The following ARHGEF9 variants were observed in gnomAD, a reference collection of about 807,000 sequenced individuals.
The protein encoded by ARHGEF9 is Cdc42 guanine nucleotide exchange factor 9, also known as rho guanine nucleotide exchange factor 9.
A neutral mutation model predicts 41.3 loss-of-function variants in ARHGEF9; 2 were observed. That is an observed-to-expected ratio of 0.05 (90% confidence interval 0.02 to 0.15). The LOEUF (loss-of-function observed/expected upper bound fraction) is 0.15, where lower values mean the gene tolerates loss of function less well. Among genes scored for constraint, ARHGEF9 ranks in the 10% least tolerant of loss-of-function variants. ARHGEF9 has a pLI of 1.00. For synonymous variants in ARHGEF9, 160 were observed against 154.4 expected (o/e 1.04, Z -0.27); for missense variants, 225 against 424.7 (o/e 0.53, Z 4.13).
intron 1 of ARHGEF9, among the ~76,000 whole-genome samples, chrX:63,773,573 G>T (rs2056238867): frequency 8.9e-6 from 1 of 112,232 alleles, no homozygotes; most frequent in Non-Finnish European, 1.9e-5. Flanking sequence ...ACAAGCAAGG[G>T]CTATGTGATA....
intron 2 of ARHGEF9, among the ~76,000 whole-genome samples, chrX:63,714,535 C>T (rs2053167523): frequency 8.9e-6 from 1 of 111,787 alleles, no homozygotes; most frequent in Non-Finnish European, 1.9e-5. Flanking sequence ...AGGGTGAAGA[C>T]TCGGGATCCT....
At chrX:63,649,040 A>C (rs1556321712) in intron 8 of ARHGEF9, among the ~76,000 whole-genome samples, 1 of 111,315 alleles carries the variant, frequency 9.0e-6, no homozygotes. Context: ...TAGACAGATC[A>C]ACGAGACAAA....
intron 8 of ARHGEF9, among the ~76,000 whole-genome samples, chrX:63,652,071 T>A (rs1434814029): frequency 9.0e-6 from 1 of 111,665 alleles, no homozygotes; most frequent in Non-Finnish European, 1.9e-5. Context: ...AATATGCAAG[T>A]ATGTATTAAA....
rs1431530716 is a variant in ARHGEF9 at position 63,724,650 on chromosome X, T to C, written c.92A>G (p.Asn31Ser). 3 of 1,209,403 alleles carry C rather than the reference T, an allele frequency of 2.5e-6. No individual in the cohort carries two copies. The highest frequency in any genetic ancestry group is 3.4e-6 in the Non-Finnish European group (3 of 895,095). ...GCCAGCTTTAAATGCCAACTCCCGG[T>C]TGGCCATGGTGACGTGATCCCATAC... ...EAVWDHVTMA[N>S]RELAFKAGDV... The change falls in exon 2 of 10, where the codon AAC (asparagine) becomes AGC (serine). Residue 31 changes from asparagine to serine, a missense_variant. Physicochemically the swap from Asn to Ser is conservative, Grantham distance 46. Around this residue, in one of 3 missense-constraint regions of ARHGEF9, gnomAD observed 114 missense variants for 197.9 expected, o/e 0.58. Coordinates refer to ENST00000671741, the MANE Select transcript of ARHGEF9 (RefSeq NM_001353921.2).
intron 4 of ARHGEF9, 149 bp from the exon 5 acceptor site, chrX:63,678,721 T>C: frequency 4.2e-6 from 2 of 471,602 alleles, no homozygotes; most frequent in Non-Finnish European, 7.2e-6. Flanking sequence ...AATTTAATAA[T>C]AAATATCAAA....
chrX:63,778,831 C>T (rs781815030), intron 1 of ARHGEF9, among the ~76,000 whole-genome samples: 5 of 111,997 alleles, frequency 4.5e-5, no homozygotes, highest in Admixed American at 9.4e-5. Context: ...TGCTCCAGTT[C>T]GCAATAAGTT....
At chrX:63,669,570 T>G (rs1176858429) in intron 6 of ARHGEF9, among the ~76,000 whole-genome samples, 1 of 111,299 alleles carries the variant, frequency 9.0e-6, no homozygotes, top group Non-Finnish European at 1.9e-5. Context: ...ACTCACTTAC[T>G]CTACTCTGGG....
intron 1 of ARHGEF9, among the ~76,000 whole-genome samples, chrX:63,781,383 G>A (rs1446716337): frequency 1.8e-5 from 2 of 110,943 alleles, no homozygotes; most frequent in Non-Finnish European, 3.8e-5. Context: ...TAATTTATTG[G>A]TAATCCACAT....
intron 1 of ARHGEF9, chrX:63,754,923 G>A: frequency 2.1e-6 from 2 of 940,089 alleles, no homozygotes; most frequent in South Asian, 5.8e-5. Flanking sequence ...GGGGGAACCT[G>A]TGAGTGGTTC....
intron 2 of ARHGEF9, among the ~76,000 whole-genome samples, chrX:63,713,327 A>C (rs1320181417): frequency 9.1e-6 from 1 of 110,464 alleles, no homozygotes; most frequent in Non-Finnish European, 1.9e-5. Context: ...CTTGCTCCCC[A>C]ATCAATACAT....
chrX:63,715,138 A>C (rs1307555223), intron 2 of ARHGEF9, among the ~76,000 whole-genome samples: 5 of 111,967 alleles, frequency 4.5e-5, no homozygotes, highest in Non-Finnish European at 9.4e-5. Flanking sequence ...TCTACCCCTA[A>C]GTCTTCTCCT....
chrX:63,637,846 C>CTG lies in ARHGEF9; in HGVS notation c.*180_*181dup, dbSNP rs10542660. On this transcript the variant is annotated 3_prime_UTR_variant, in exon 10 of 10. Coordinates refer to ENST00000671741, the MANE Select transcript of ARHGEF9 (RefSeq NM_001353921.2). Reference sequence around the variant, plus strand: ...GAAAACACTTTTGTTCCTTATCTCTCTGTGTGTGTGTGTGTGTGTGTGTGT... The same window carrying CTG: ...GAAAACACTTTTGTTCCTTATCTCTCTGTGTGTGTGTGTGTGTGTGTGTGTGT... 0.038 allele frequency: 11,475 copies of CTG among 304,254 alleles called. 125 individuals are homozygous for CTG. The highest frequency in any genetic ancestry group is 0.094 in the Middle Eastern group (99 of 1,053). The allele number at this position is 304,254 out of a possible 1,213,427, so 25.1% of individuals were successfully genotyped here.
rs192376047 is a variant in ARHGEF9 at position 63,674,568 on chromosome X, T to C, written c.816-401A>G. Among the ~76,000 whole-genome samples, 230 of 111,878 alleles carry C rather than the reference T, an allele frequency of 2.1e-3. 2 individuals carry two copies. The highest frequency in any genetic ancestry group is 2.3e-3 in the Non-Finnish European group (121 of 53,152). On this transcript the variant is annotated intron_variant, in intron 5 of 9. Transcript: ENST00000671741. ...AGGGTGGGAGACTTTATCAGAGGCA[T>C]AGACTGCTTTTGCGCCTCTTTGTTG...
chrX:63,685,435 G>C (rs1332095838), intron 4 of ARHGEF9, among the ~76,000 whole-genome samples: 1 of 111,467 alleles, frequency 9.0e-6, no homozygotes, highest in Non-Finnish European at 1.9e-5. Context: ...TAGGGTTTTT[G>C]TTTGCTTGTT....
intron 2 of ARHGEF9, chrX:63,722,679 T>C (rs1411192199): frequency 3.6e-5 from 4 of 111,847 alleles, no homozygotes; most frequent in Middle Eastern, 4.6e-3. Flanking sequence ...GAAAATGAAA[T>C]GCATTTGGAT....
At chrX:63,693,804 C>G (rs1403212564) in intron 4 of ARHGEF9, among the ~76,000 whole-genome samples, 1 of 109,899 alleles carries the variant, frequency 9.1e-6, no homozygotes, top group Non-Finnish European at 1.9e-5. Flanking sequence ...CTCAACATCA[C>G]TATACATTGG....
intron 6 of ARHGEF9, 149 bp from the exon 7 acceptor site, chrX:63,666,166 C>T: frequency 1.3e-6 from 1 of 793,916 alleles, no homozygotes; most frequent in African/African-American, 2.0e-5. Flanking sequence ...ACTCCTGGGA[C>T]TCCTCAAAAA....
chrX:63,652,859 T>G (rs1241157771), intron 8 of ARHGEF9, among the ~76,000 whole-genome samples: 1 of 110,822 alleles, frequency 9.0e-6, no homozygotes. Flanking sequence ...GTTCTCATGA[T>G]AGTGGGTGAG....
chrX:63,699,744 A>C (rs1328037153), intron 3 of ARHGEF9, among the ~76,000 whole-genome samples: 1 of 112,109 alleles, frequency 8.9e-6, no homozygotes, highest in Non-Finnish European at 1.9e-5. Context: ...ATTCTGGTAC[A>C]TTTAGCTTGA....
Sources: gnomAD v4.1 joint callset for allele counts (sites outside exome capture counted in the v4.1 genomes callset) on GRCh38, gnomAD v4.1.1 for gene constraint, gnomAD v4.1.1 regional missense constraint, MANE v1.5 for transcripts, NCBI Gene and HGNC (gene_info 2026-07-23, HGNC 2026-07-21) for gene names.